The following DACT2 variants were observed in gnomAD, a reference collection of about 807,000 sequenced individuals.
DACT2 encodes the protein dapper homolog 2.
DACT2 carries 20 observed loss-of-function variants against 22.2 expected under a neutral mutation model. That is an observed-to-expected ratio of 0.90 (90% CI 0.63 to 1.31). The LOEUF (loss-of-function observed/expected upper bound fraction) is 1.31, where lower values mean the gene tolerates loss of function less well. Ranked by LOEUF, DACT2 falls within the 50% of genes most tolerant of loss-of-function variation. The pLI is 0.00. For missense variants in DACT2, 1,048 were observed against 1,061.4 expected (o/e 0.99, Z 0.18); for synonymous variants, 463 against 479.8 (o/e 0.96, Z 0.46).
rs1291017988 is a variant in DACT2, at chr6:168,308,274, T to C, written c.1483A>G (p.Lys495Glu). Residue 495 changes from lysine to glutamate, a missense_variant, in exon 4 of 4, where the codon AAG becomes GAG. Coordinates refer to ENST00000366795, the MANE Select transcript of DACT2 (RefSeq NM_214462.5). ...GGACTTCTCTTGATTTTTTCAGCCTTGCTCTTGGGGGGACCCATTTTCAGG... is the reference window on the plus strand; with the variant it reads ...GGACTTCTCTTGATTTTTTCAGCCTCGCTCTTGGGGGGACCCATTTTCAGG... Reference protein sequence around the residue: ...ASLKMGPPKSKAEKIKRSPMD... With the variant: ...ASLKMGPPKSEAEKIKRSPMD... 37 of 1,552,094 alleles carry C rather than the reference T, an allele frequency of 2.4e-5. No homozygotes were observed. The highest frequency in any genetic ancestry group is 1.7e-4 in the Middle Eastern group (1 of 6,020).
downstream of DACT2, among the ~76,000 whole-genome samples, chr6:168,304,238 G>A (rs1779159469): frequency 6.6e-6 from 1 of 152,178 alleles, no homozygotes; most frequent in South Asian, 2.1e-4. Flanking sequence ...TGTGTGAGTG[G>A]TTACAATTAT....
In DACT2 at chr6:168,308,913, C is replaced by G. The variant is rs778812998; in HGVS notation, c.844G>C (p.Val282Leu). The change falls in exon 4 of 4, where the codon GTG (valine) becomes CTG (leucine). Residue 282 changes from valine (V) to leucine (L), a missense_variant. By Grantham distance (32) the Val-to-Leu change is conservative. Transcript: ENST00000366795. The part of the protein sequence containing the change: ...VYPYPSPLHA[V>L]ALQSPLFVLT... ...ACAAACAGGGGGCTCTGTAGAGCCACGGCGTGCAGGGGGCTGGGGTACGGG... is the reference window on the plus strand; with the variant it reads ...ACAAACAGGGGGCTCTGTAGAGCCAGGGCGTGCAGGGGGCTGGGGTACGGG... 1 of 1,550,676 alleles carries G rather than the reference C, an allele frequency of 6.4e-7. No individual in the cohort carries two copies. The highest frequency in any genetic ancestry group is 1.4e-5 in the African/African-American group (1 of 73,174).
chr6:168,315,538 T>C (rs1233943689), intron 1 of DACT2, among the ~76,000 whole-genome samples: 1 of 152,196 alleles, frequency 6.6e-6, no homozygotes, highest in Non-Finnish European at 1.5e-5. Flanking sequence ...TGAAATCATT[T>C]TCCCTTTTGT....
downstream of DACT2, chr6:168,306,792 T>C: frequency 1.3e-6 from 1 of 765,478 alleles, no homozygotes; most frequent in Non-Finnish European, 1.6e-6. Context: ...TAGTCTCTAC[T>C]CACTTATAAG....
At position 168,311,244 on chromosome 6, in the gene DACT2, A is replaced by G; in HGVS notation, c.287T>C (p.Leu96Pro). Reference protein sequence around the residue: ...RQQDIGLKTHLDQLDLQISKL... With the variant: ...RQQDIGLKTHPDQLDLQISKL... ...GCTAATCTGCAGGTCCAGCTGGTCC[A>G]GGTGGGTCTTCAGGCCGATGTCCTG... Residue 96 changes from leucine (L) to proline (P), a missense_variant, in exon 2 of 4, where the codon CTG becomes CCG. Leu to Pro is a moderately conservative substitution (Grantham distance 98, BLOSUM62 -3). Coordinates refer to ENST00000366795, the MANE Select transcript of DACT2 (RefSeq NM_214462.5). 1.9e-6 allele frequency: 3 copies of G among 1,551,010 alleles called. No homozygotes were observed. The highest frequency in any genetic ancestry group is 2.6e-6 in the Non-Finnish European group (3 of 1,146,230).
rs1482759893 is a variant in DACT2 at position 168,311,671 on chromosome 6, TAC to T, written c.247-389_247-388del. On this transcript the variant is annotated intron_variant, in intron 1 of 3. Transcript: ENST00000366795. ...TCACACACACACCCATACACACATA[TAC>T]ACACACACTCACACACACACATACA... is the stretch of plus-strand genomic sequence containing the variant. Among the ~76,000 whole-genome samples the T allele has an allele frequency of 2.9e-5, 4 of 137,908 alleles. No individual in the cohort carries two copies. The East Asian group carries it at 9.6e-4, about 33-fold the overall frequency. 90.5% of individuals were successfully genotyped at this position (137,908 alleles called of 152,430 possible).
intron 4 of DACT2, chr6:168,294,557 G>GTA (rs1169101155): frequency 5.9e-6 from 4 of 676,986 alleles, no homozygotes; most frequent in African/African-American, 7.7e-5. Context: ...ATGTGTGTGT[G>GTA]TGTATGTGTG....
chr6:168,295,492 C>T (rs1042926753), intron 3 of DACT2, among the ~76,000 whole-genome samples: 1 of 152,026 alleles, frequency 6.6e-6, no homozygotes, highest in Non-Finnish European at 1.5e-5. Context: ...GGTACATGCA[C>T]CTAACTTAAA....
Position 168,308,439 on chromosome 6 carries a change from C to G in DACT2, c.1318G>C (p.Ala440Pro). The G allele has an allele frequency of 6.4e-7, 1 of 1,551,706 alleles. No homozygotes were observed. The highest frequency in any genetic ancestry group is 2.4e-5 in the East Asian group (1 of 40,886). Residue 440 changes from alanine to proline, a missense_variant, in exon 4 of 4, where the codon GCT (alanine) becomes CCT (proline). By Grantham distance (27) the Ala-to-Pro change is conservative. Coordinates refer to ENST00000366795, the MANE Select transcript of DACT2 (RefSeq NM_214462.5). ...SCVLRETMVQASPSSKAQQTP... is the reference protein window; with the variant it reads ...SCVLRETMVQPSPSSKAQQTP... ...TGCTGGGCCTTTGAGCTGGGAGAAG[C>G]CTGCACCATGGTCTCCCTGAGGACA...
chr6:168,304,634 C>T (rs904497342), downstream of DACT2, among the ~76,000 whole-genome samples: 1 of 152,252 alleles, frequency 6.6e-6, no homozygotes. Context: ...CCTGGGCCGA[C>T]TCACCCCTTG....
At position 168,308,427 on chromosome 6, in the gene DACT2, A is replaced by G. The variant is rs907644071; in HGVS notation, c.1330T>C (p.Ser444Pro). 6.4e-7 allele frequency: 1 copy of G among 1,551,398 alleles called. No homozygotes were observed. Residue 444 changes from serine to proline, a missense_variant, in exon 4 of 4, where the codon TCA becomes CCA. By Grantham distance (74) the Ser-to-Pro change is moderately conservative. Coordinates refer to ENST00000366795, the MANE Select transcript of DACT2 (RefSeq NM_214462.5). ...RETMVQASPS[S>P]KAQQTPSAQD... ...GCTGAGGGTGTCTGCTGGGCCTTTG[A>G]GCTGGGAGAAGCCTGCACCATGGTC... is the stretch of plus-strand genomic sequence containing the variant.
chr6:168,311,909 C>T (rs1446534860), intron 1 of DACT2, among the ~76,000 whole-genome samples: 7 of 152,320 alleles, frequency 4.6e-5, no homozygotes, highest in South Asian at 4.1e-4. Flanking sequence ...TAACGCTTTA[C>T]GCATCTCATG....
At chr6:168,293,357 A>G (rs1034111514) in exon 6 of DACT2, 2 of 152,706 alleles carry the variant, frequency 1.3e-5, no homozygotes, top group Non-Finnish European at 2.9e-5. Context: ...ATCATTTTGC[A>G]ATAATATATA....
At chr6:168,303,505 T>C (rs1272071542), downstream of DACT2, among the ~76,000 whole-genome samples, 6 of 152,220 alleles carry the variant, frequency 3.9e-5, no homozygotes, top group East Asian at 1.9e-4. Flanking sequence ...TCTCTCACCA[T>C]GTGTCTCTTT....
At chr6:168,294,602 T>TACAC (rs1554269720) in intron 4 of DACT2, 3 of 812,908 alleles carry the variant, frequency 3.7e-6, no homozygotes, top group African/African-American at 5.1e-5. Flanking sequence ...TATATATATA[T>TACAC]ACACATATAA....
chr6:168,299,624 A>C (rs1779069883), intron 3 of DACT2: 1 of 152,204 alleles, frequency 6.6e-6, no homozygotes, highest in South Asian at 2.1e-4. Flanking sequence ...TGGACAAAAC[A>C]AGGCAGGTTT....
At chr6:168,304,539 C>T (rs1186511190), downstream of DACT2, among the ~76,000 whole-genome samples, 1 of 152,310 alleles carries the variant, frequency 6.6e-6, no homozygotes, top group African/African-American at 2.4e-5. Flanking sequence ...GTGGCATCTG[C>T]CCGCTCTTCC....
At position 168,292,884 on chromosome 6, in the gene DACT2, G is replaced by C. The variant is rs1025866502; in HGVS notation, c.*1010C>G. On this transcript the variant is annotated 3_prime_UTR_variant, in exon 6 of 6. Coordinates refer to the DACT2 transcript ENST00000366796. ...TAAGAAGAAGAAAACCATCACAGCT[G>C]CTTTTATGGGCTGGTTTAGCTTTGG... The C allele has an allele frequency of 2.0e-5, 3 of 152,164 alleles. 1 individual carries two copies. In the East Asian group the frequency reaches 5.8e-4, roughly 29 times the overall value. 9.4% of individuals were successfully genotyped at this position (152,164 alleles called of 1,614,324 possible).
At position 168,307,529 on chromosome 6, in the gene DACT2, G is replaced by C; in HGVS notation, c.2228C>G (p.Pro743Arg). The C allele has an allele frequency of 6.4e-7, 1 of 1,551,524 alleles. No individual in the cohort carries two copies. Among genetic ancestry groups the C allele is most frequent in the Admixed American group, 2.0e-5 (1 of 51,002 alleles). The change falls in exon 4 of 4, where the codon CCC becomes CGC. Residue 743 changes from proline (P) to arginine (R), a missense_variant. Transcript: ENST00000366795. The surrounding 1 kb of genome is among the most constrained non-coding windows in gnomAD (Gnocchi z 5.3). ...APVSSGPLLS[P>R]VPKLCRIKAS... Reference sequence around the variant, plus strand: ...CTTAATACGGCACAGCTTGGGCACGGGGGACAGGAGTGGCCCCGAGCTGAC... The same window carrying C: ...CTTAATACGGCACAGCTTGGGCACGCGGGACAGGAGTGGCCCCGAGCTGAC...
Sources: allele counts gnomAD v4.1 joint callset (sites outside exome capture counted in the v4.1 genomes callset), GRCh38; gene constraint gnomAD v4.1.1; non-coding constraint Gnocchi (gnomAD v3.1); transcripts MANE v1.5; gene names NCBI Gene and HGNC (gene_info 2026-07-23, HGNC 2026-07-21).